The following ZNF346 variants were observed in gnomAD, a reference collection of about 807,000 sequenced individuals.
The protein encoded by ZNF346 is zinc finger protein 346.
A neutral mutation model predicts 33.7 loss-of-function variants in ZNF346; 23 were observed. The observed-to-expected ratio is 0.68, with a 90% CI of 0.49 to 0.97. The LOEUF (loss-of-function observed/expected upper bound fraction) is 0.97, where lower values mean the gene tolerates loss of function less well. Among genes scored for constraint, ZNF346 ranks in the 50% least tolerant of loss-of-function variants. The pLI, the probability that ZNF346 is intolerant of heterozygous loss-of-function variation, is 0.00. For missense variants in ZNF346, 340 were observed against 371.1 expected, an observed-to-expected ratio of 0.92 and a Z score of 0.69; for synonymous variants, 134 against 142.4, an observed-to-expected ratio of 0.94 and a Z score of 0.42.
Position 177,050,734 on chromosome 5 carries a change from T to C in ZNF346, c.518-17T>C. ...CAAAACGCCTTACAAATCCTTTCCT[T>C]GTGGCCTCCACCTTAGCCTTGCACC... On this transcript the variant is annotated splice_polypyrimidine_tract_variant and intron_variant, in intron 4 of 6. Coordinates refer to ENST00000358149, the MANE Select transcript of ZNF346 (RefSeq NM_012279.4). The C allele has an allele frequency of 1.2e-6, 2 of 1,614,190 alleles. No homozygotes were observed. The highest frequency in any genetic ancestry group is 1.1e-5 in the South Asian group (1 of 91,090).
intron 8 of ZNF346, among the ~76,000 whole-genome samples, chr5:177,078,687 G>A (rs1157494392): frequency 2.0e-5 from 3 of 152,180 alleles, no homozygotes; most frequent in South Asian, 4.1e-4. Context: ...CAAGGCAGGC[G>A]GATCACTTGA....
In ZNF346 at chr5:177,077,542, A is replaced by G. The variant is rs1195035992; in HGVS notation, c.*3-1840A>G. Among the ~76,000 whole-genome samples, 1 of 152,194 alleles carries G rather than the reference A, an allele frequency of 6.6e-6. No individual in the cohort carries two copies. On this transcript the variant is annotated intron_variant, in intron 8 of 8. Coordinates refer to the ZNF346 transcript ENST00000503039. The surrounding 1 kb of genome is among the most constrained non-coding windows in gnomAD (Gnocchi z 5.0). ...CTCTAGGCATCCCTATTCACAGCTC[A>G]GCTTCTCAGAGAGTTGGTTTCCTAT...
intron 1 of ZNF346, chr5:177,023,169 T>C: frequency 1.3e-6 from 2 of 1,536,146 alleles, no homozygotes; most frequent in South Asian, 2.4e-5. Flanking sequence ...GCGCAGTTTT[T>C]CCCACATTCG....
chr5:177,060,844 C>G (rs1179146625), intron 5 of ZNF346, among the ~76,000 whole-genome samples: 1 of 150,638 alleles, frequency 6.6e-6, no homozygotes, highest in East Asian at 2.0e-4. Context: ...GGGGTGGTGG[C>G]TTACGCCTGT....
At chr5:177,037,152 C>T (rs1220049834) in intron 1 of ZNF346, among the ~76,000 whole-genome samples, 1 of 152,150 alleles carries the variant, frequency 6.6e-6, no homozygotes, top group Non-Finnish European at 1.5e-5. Flanking sequence ...TGCAGGAGAT[C>T]TCCTCACTCT....
intron 1 of ZNF346, among the ~76,000 whole-genome samples, chr5:177,033,659 G>A (rs2149600689): frequency 6.6e-6 from 1 of 152,230 alleles, no homozygotes; most frequent in African/African-American, 2.4e-5. Flanking sequence ...GAGTGGCTGG[G>A]ACTACAGGCA....
At position 177,050,783 on chromosome 5, in the gene ZNF346, G is replaced by A. The variant is rs1489323455; in HGVS notation, c.550G>A (p.Asp184Asn). Reference protein sequence around the residue: ...LHQNREMIDPDKFCSLCHATF... With the variant: ...LHQNREMIDPNKFCSLCHATF... ...CCAGAATAGAGAGATGATAGACCCA[G>A]ACAAGTTCTGCAGCCTCTGCCATGC... The change falls in exon 5 of 7, where the codon GAC (aspartate) becomes AAC (asparagine). Residue 184 changes from aspartate to asparagine, a missense_variant. Physicochemically the swap from Asp to Asn is conservative, Grantham distance 23 (BLOSUM62 1). Transcript: ENST00000358149. 6.2e-7 allele frequency: 1 copy of A among 1,614,094 alleles called. No homozygotes were observed. Among genetic ancestry groups the A allele is most frequent in the Admixed American group, 1.7e-5 (1 of 60,000 alleles).
At chr5:177,024,380 TAG>T (rs1027837785) in intron 1 of ZNF346, among the ~76,000 whole-genome samples, 8 of 151,894 alleles carry the variant, frequency 5.3e-5, no homozygotes, top group Non-Finnish European at 1.0e-4. Flanking sequence ...GTATTTTTAG[TAG>T]AGATGGGGTT....
downstream of ZNF346, among the ~76,000 whole-genome samples, chr5:177,072,651 G>T (rs552730071): frequency 1.3e-5 from 2 of 152,122 alleles, no homozygotes; most frequent in African/African-American, 4.8e-5. Flanking sequence ...GGAGTTCAAG[G>T]CCAGCTGGCC....
intron 1 of ZNF346, among the ~76,000 whole-genome samples, chr5:177,039,844 A>ACTCTGC (rs538703662): frequency 6.6e-6 from 1 of 151,828 alleles, no homozygotes; most frequent in African/African-American, 2.4e-5. Context: ...CCAGTTTTAG[A>ACTCTGC]CTCTGCCTCT....
At chr5:177,058,605 A>G (rs958590912) in intron 5 of ZNF346, among the ~76,000 whole-genome samples, 1 of 152,194 alleles carries the variant, frequency 6.6e-6, no homozygotes, top group Non-Finnish European at 1.5e-5. Context: ...CCACTTCACA[A>G]ATAAAGAAGT....
Position 177,045,755 on chromosome 5 carries a change from T to G in ZNF346, c.517+1222T>G, listed in dbSNP as rs377054934. Among the ~76,000 whole-genome samples, 4 of 151,740 alleles carry G rather than the reference T, an allele frequency of 2.6e-5. No homozygotes were observed. In the South Asian group the frequency reaches 6.3e-4, roughly 24 times the overall value. On this transcript the variant is annotated intron_variant, in intron 4 of 6. Transcript: ENST00000358149. The stretch of plus-strand genomic sequence containing the variant: ...ATACTCCCATCTCAGCTTCCCAGAG[T>G]GCTGGGATTACAGGCATGAGCCACC...
rs1385387855 is a variant in ZNF346, at chr5:177,022,787, G to C, written c.49G>C (p.Ala17Pro). The change falls in exon 1 of 7, where the codon GCC (alanine) becomes CCC (proline). Residue 17 changes from alanine to proline, a missense_variant. By Grantham distance (27) the Ala-to-Pro change is conservative (BLOSUM62 -1). Transcript: ENST00000358149. ...GGTGCAGGCCGCGGACGGCGGAGCG[G>C]CCGGGCCTTACAGCAGCTCGGAGTT... ...ATVQAADGGA[A>P]GPYSSSELLE... 3.9e-6 allele frequency: 6 copies of C among 1,548,828 alleles called. No individual in the cohort carries two copies. In the East Asian group the frequency reaches 1.2e-4, roughly 32 times the overall value.
At chr5:177,057,241 C>T (rs1781811513) in intron 5 of ZNF346, among the ~76,000 whole-genome samples, 1 of 152,004 alleles carries the variant, frequency 6.6e-6, no homozygotes, top group Non-Finnish European at 1.5e-5. Flanking sequence ...TTGCAGTGAA[C>T]TGAGATCGCA....
chr5:177,022,942 C>T (rs1334778599), intron 1 of ZNF346, 29 bp downstream of exon 1: 42 of 1,449,346 alleles, frequency 2.9e-5, no homozygotes, highest in Non-Finnish European at 3.4e-5. Flanking sequence ...AGGCAGAAAG[C>T]CCCTCGCCCG....
rs981211363 is a variant in ZNF346 at position 177,066,432 on chromosome 5, T to A, written c.*1833T>A. On this transcript the variant is annotated 3_prime_UTR_variant, in exon 7 of 7. Transcript: ENST00000358149. ...CATAGTGGTGTGTCATGAATTTTTA[T>A]TGAATGAACAAATGAGGTGTATGAG... Among the ~76,000 whole-genome samples the A allele has an allele frequency of 6.6e-6, 1 of 152,078 alleles. No homozygotes were observed. The highest frequency in any genetic ancestry group is 1.5e-5 in the Non-Finnish European group (1 of 68,010).
At chr5:177,035,577 C>T (rs1034342986) in intron 1 of ZNF346, among the ~76,000 whole-genome samples, 4 of 151,290 alleles carry the variant, frequency 2.6e-5, no homozygotes, top group African/African-American at 9.7e-5. Context: ...TCTCCTGTCT[C>T]AGCCTCCCGA....
At chr5:177,060,102 CTG>C (rs1210204314) in intron 5 of ZNF346, among the ~76,000 whole-genome samples, 1 of 152,198 alleles carries the variant, frequency 6.6e-6, no homozygotes, top group Non-Finnish European at 1.5e-5. Context: ...CCTGAGAGCA[CTG>C]GGACTGGGAA....
chr5:177,070,304 CT>C (rs1385807908), downstream of ZNF346, among the ~76,000 whole-genome samples: 4 of 152,146 alleles, frequency 2.6e-5, no homozygotes, highest in Non-Finnish European at 4.4e-5. Flanking sequence ...GCCCTTCTTA[CT>C]TTTAGCATGC....
Sources: gnomAD v4.1 joint callset for allele counts (sites outside exome capture counted in the v4.1 genomes callset) on GRCh38, gnomAD v4.1.1 for gene constraint, Gnocchi (gnomAD v3.1) non-coding constraint, MANE v1.5 for transcripts, NCBI Gene and HGNC (gene_info 2026-07-23, HGNC 2026-07-21) for gene names.